Variants in NTRK3 observed in about 807,000 individuals in gnomAD.
The protein encoded by NTRK3 is neurotrophic receptor tyrosine kinase 3.
Under a neutral mutation model 91.7 loss-of-function variants are expected in NTRK3, and 24 were observed. That is an observed-to-expected ratio of 0.26 (90% confidence interval 0.19 to 0.37). NTRK3 has a LOEUF of 0.37. Ranked by LOEUF, NTRK3 falls within the 10% of genes least tolerant of loss-of-function variation. NTRK3 has a pLI of 1.00. For synonymous variants in NTRK3, 483 were observed against 404.0 expected (o/e 1.20, Z -2.34); for missense variants, 880 against 1,068.9 (o/e 0.82, Z 2.46).
chr15:88,038,571 G>A (rs2079284977), intron 13 of NTRK3, among the ~76,000 whole-genome samples: 1 of 152,166 alleles, frequency 6.6e-6, no homozygotes. Context: ...AGCTTCATCA[G>A]CCATAACAAA....
chr15:88,214,370 A>G (rs2049537069), intron 3 of NTRK3, among the ~76,000 whole-genome samples: 1 of 151,610 alleles, frequency 6.6e-6, no homozygotes, highest in Non-Finnish European at 1.5e-5. Context: ...TCCAATCTCT[A>G]CTCCATCTTC....
chr15:88,231,544 A>C (rs1449695324), intron 3 of NTRK3, among the ~76,000 whole-genome samples: 1 of 152,128 alleles, frequency 6.6e-6, no homozygotes, highest in Non-Finnish European at 1.5e-5. Context: ...ATTTAGCTTT[A>C]TGCACCCAGG....
At chr15:88,111,935 C>A (rs2051423318) in intron 13 of NTRK3, among the ~76,000 whole-genome samples, 2 of 145,060 alleles carry the variant, frequency 1.4e-5, no homozygotes, top group Non-Finnish European at 3.0e-5. Context: ...CAGACAGAGT[C>A]TCACTCTGTC....
At chr15:87,898,397 C>G (rs1427123170) in intron 17 of NTRK3, among the ~76,000 whole-genome samples, 1 of 152,072 alleles carries the variant, frequency 6.6e-6, no homozygotes, top group East Asian at 1.9e-4. Context: ...GTGTGACTGC[C>G]AGTCTGGATC....
chr15:87,973,123 A>T (rs1378578713), intron 14 of NTRK3, among the ~76,000 whole-genome samples: 1 of 152,206 alleles, frequency 6.6e-6, no homozygotes, highest in Admixed American at 6.5e-5. Context: ...AAGCATAATG[A>T]GGAGAGAAGA....
intron 5 of NTRK3, among the ~76,000 whole-genome samples, chr15:88,173,411 C>T (rs2045709624): frequency 6.6e-6 from 1 of 152,042 alleles, no homozygotes; most frequent in South Asian, 2.1e-4. Context: ...TGGTGTAGCC[C>T]CATGCTCCCT....
intron 13 of NTRK3, among the ~76,000 whole-genome samples, chr15:88,087,363 G>T (rs1257046118): frequency 6.6e-6 from 1 of 152,142 alleles, no homozygotes; most frequent in Non-Finnish European, 1.5e-5. Context: ...CTCTCGGGAG[G>T]GGCTGCTGTC....
At chr15:88,211,366 A>G (rs2049231541) in intron 3 of NTRK3, among the ~76,000 whole-genome samples, 1 of 152,258 alleles carries the variant, frequency 6.6e-6, no homozygotes, top group African/African-American at 2.4e-5. Flanking sequence ...TGGCTGAATA[A>G]TAGGCCGTTA....
intron 14 of NTRK3, among the ~76,000 whole-genome samples, chr15:87,982,365 G>T (rs1277438523): frequency 6.6e-6 from 1 of 151,362 alleles, no homozygotes; most frequent in African/African-American, 2.5e-5. Flanking sequence ...CTGGTAAAGG[G>T]GTAAATGGTG....
At chr15:87,918,799 A>C (rs2067642385) in intron 17 of NTRK3, among the ~76,000 whole-genome samples, 2 of 152,208 alleles carry the variant, frequency 1.3e-5, no homozygotes, top group African/African-American at 2.4e-5. Context: ...GTAGGAAATA[A>C]ACCAACATGG....
exon 19 of NTRK3, chr15:87,864,012 C>A (rs977775856): frequency 4.3e-6 from 1 of 232,838 alleles, no homozygotes; most frequent in Non-Finnish European, 8.5e-6. Flanking sequence ...CACACACACA[C>A]ACACACACAG....
At chr15:88,124,383 C>A (rs2151089345) in intron 13 of NTRK3, among the ~76,000 whole-genome samples, 1 of 152,292 alleles carries the variant, frequency 6.6e-6, no homozygotes, top group Non-Finnish European at 1.5e-5. Flanking sequence ...GCTGCCTAAT[C>A]CATCCGACAT....
intron 13 of NTRK3, among the ~76,000 whole-genome samples, chr15:88,056,197 T>C (rs1567305535): frequency 1.0e-5 from 1 of 95,636 alleles, no homozygotes; most frequent in East Asian, 2.4e-4. Context: ...TATATATATA[T>C]ATATATTTTT....
intron 13 of NTRK3, among the ~76,000 whole-genome samples, chr15:88,104,020 A>G (rs540949278): frequency 2.4e-4 from 37 of 152,228 alleles, no homozygotes; most frequent in Non-Finnish European, 5.1e-4. Context: ...CATTCTTGCT[A>G]TAAGGGACCT....
chr15:88,192,339 C>A (rs1318211040), intron 3 of NTRK3, among the ~76,000 whole-genome samples: 1 of 152,096 alleles, frequency 6.6e-6, no homozygotes, highest in Non-Finnish European at 1.5e-5. Context: ...TGAACCCCAG[C>A]CTGTGGCCTC....
chr15:88,133,393 T>G (rs2041570727), intron 10 of NTRK3, among the ~76,000 whole-genome samples: 1 of 152,178 alleles, frequency 6.6e-6, no homozygotes, highest in Non-Finnish European at 1.5e-5. Flanking sequence ...AGGATACCCC[T>G]GGCAGAAGGA....
chr15:88,128,756 A>G (rs1426629921), intron 10 of NTRK3, 22 bp from the exon 11 acceptor site: 1 of 1,611,850 alleles, frequency 6.2e-7, no homozygotes, highest in Admixed American at 1.7e-5. Context: ...GGACAAAGAG[A>G]TAATTAACAA....
chr15:88,093,571 C>T (rs1315273117), intron 13 of NTRK3, among the ~76,000 whole-genome samples: 1 of 152,138 alleles, frequency 6.6e-6, no homozygotes, highest in Non-Finnish European at 1.5e-5. Context: ...CAGGCTCTGT[C>T]TTCATCTCAA....
chr15:88,170,870 T>C (rs911171559), intron 5 of NTRK3, among the ~76,000 whole-genome samples: 2 of 152,152 alleles, frequency 1.3e-5, no homozygotes, highest in Non-Finnish European at 2.9e-5. Flanking sequence ...GCAAGACAGA[T>C]GCAGTCCCAT....
Sources: allele counts gnomAD v4.1 joint callset (sites outside exome capture counted in the v4.1 genomes callset), GRCh38; gene constraint gnomAD v4.1.1; transcripts MANE v1.5; gene names NCBI Gene and HGNC (gene_info 2026-07-23, HGNC 2026-07-21).